The following MANBA variants were observed in gnomAD, a reference collection of about 807,000 sequenced individuals.
MANBA encodes the protein mannosidase beta, also known as beta-mannosidase.
A neutral mutation model predicts 111.1 loss-of-function variants in MANBA; 83 were observed. The ratio of observed to expected loss-of-function variants is 0.75; its 90% CI spans 0.63 to 0.90. The LOEUF (loss-of-function observed/expected upper bound fraction) is 0.90, where lower values mean the gene tolerates loss of function less well. MANBA is among the 40% of genes least tolerant of loss of function. The probability of loss-of-function intolerance (pLI) is 0.00; values close to 1 mark genes in which losing one functional copy is unlikely to be tolerated. For synonymous variants in MANBA, 370 were observed against 378.7 expected, an observed-to-expected ratio of 0.98 and a Z score of 0.27; for missense variants, 1,036 against 1,069.0, an observed-to-expected ratio of 0.97 and a Z score of 0.43.
chr4:102,707,365 T>C (rs543909488), intron 5 of MANBA, among the ~76,000 whole-genome samples: 3 of 152,262 alleles, frequency 2.0e-5, no homozygotes, highest in African/African-American at 7.2e-5. Context: ...ACAAATCATC[T>C]TTCTAAGACA....
At chr4:102,642,468 G>A (rs1312618619) in intron 13 of MANBA, among the ~76,000 whole-genome samples, 5 of 152,058 alleles carry the variant, frequency 3.3e-5, no homozygotes, top group East Asian at 1.9e-4. Flanking sequence ...TTAACCGGAC[G>A]TGGTGGCACA....
At chr4:102,741,826 C>T (rs369656602) in intron 1 of MANBA, among the ~76,000 whole-genome samples, 4 of 152,146 alleles carry the variant, frequency 2.6e-5, no homozygotes, top group African/African-American at 9.7e-5. Context: ...GCACTGTATA[C>T]TGCTTGGGTG....
At chr4:102,691,500 C>G (rs1184711722) in intron 5 of MANBA, among the ~76,000 whole-genome samples, 1 of 150,698 alleles carries the variant, frequency 6.6e-6, no homozygotes, top group Admixed American at 6.6e-5. Context: ...AAGGCTTTCT[C>G]TCTTTTCTTT....
intron 5 of MANBA, among the ~76,000 whole-genome samples, chr4:102,696,805 G>T (rs1055894503): frequency 6.6e-6 from 1 of 152,142 alleles, no homozygotes; most frequent in African/African-American, 2.4e-5. Flanking sequence ...GGGAAAGGTA[G>T]TTATGTGCAT....
intron 13 of MANBA, among the ~76,000 whole-genome samples, chr4:102,645,791 G>A (rs1730077415): frequency 6.6e-6 from 1 of 151,994 alleles, no homozygotes; most frequent in Admixed American, 6.6e-5. Context: ...CTAACTAAAG[G>A]TTTGTCAATT....
chr4:102,743,400 C>T (rs1278978804), intron 1 of MANBA, among the ~76,000 whole-genome samples: 1 of 152,230 alleles, frequency 6.6e-6, no homozygotes, highest in African/African-American at 2.4e-5. Flanking sequence ...CACTGCTATC[C>T]TTCAGGGATG....
At chr4:102,699,512 AT>A (rs1160192323) in intron 5 of MANBA, among the ~76,000 whole-genome samples, 1 of 150,268 alleles carries the variant, frequency 6.7e-6, no homozygotes, top group Non-Finnish European at 1.5e-5. Context: ...GATAGCTCTT[AT>A]TATTTTGAGA....
At chr4:102,655,479 T>C (rs923109031) in intron 12 of MANBA, among the ~76,000 whole-genome samples, 1 of 152,176 alleles carries the variant, frequency 6.6e-6, no homozygotes, top group Non-Finnish European at 1.5e-5. Context: ...TGGAACAGAA[T>C]TGAGAATTCA....
intron 12 of MANBA, among the ~76,000 whole-genome samples, chr4:102,651,072 C>T (rs775319732): frequency 6.6e-6 from 1 of 151,518 alleles, no homozygotes; most frequent in African/African-American, 2.4e-5. Context: ...ATCTAGTATT[C>T]GTTTGTCAAA....
chr4:102,659,971 C>G (rs981440112), intron 11 of MANBA, among the ~76,000 whole-genome samples: 2 of 152,118 alleles, frequency 1.3e-5, no homozygotes, highest in Admixed American at 1.3e-4. Flanking sequence ...TTGTTCTACA[C>G]CCTGTCCCAT....
At chr4:102,743,916 G>T (rs1002175673) in intron 1 of MANBA, among the ~76,000 whole-genome samples, 1 of 152,186 alleles carries the variant, frequency 6.6e-6, no homozygotes, top group Non-Finnish European at 1.5e-5. Context: ...ATTCAGCTAT[G>T]AGGGCCTCCC....
chr4:102,712,412 C>A (rs1722114113), intron 5 of MANBA, among the ~76,000 whole-genome samples: 1 of 151,822 alleles, frequency 6.6e-6, no homozygotes, highest in East Asian at 1.9e-4. Flanking sequence ...CAGTATTATT[C>A]AAATTTTTTT....
chr4:102,635,944 G>GTT lies in MANBA; in HGVS notation c.2077_2078insAA (p.Pro693GlnfsTer3). On this transcript the variant is annotated frameshift_variant, in exon 15 of 17. Transcript: ENST00000647097. LOFTEE classifies it high-confidence loss of function. ...CGTGTTTTCATTCTCAAAGCCTACTGGCAACAGTGGAGCAAAGAAATTCTG... is the reference window on the plus strand; with the variant it reads ...CGTGTTTTCATTCTCAAAGCCTACTGTTGCAACAGTGGAGCAAAGAAATTCTG... The GTT allele has an allele frequency of 6.2e-7, 1 of 1,612,230 alleles. No homozygotes were observed. The highest frequency in any genetic ancestry group is 8.5e-7 in the Non-Finnish European group (1 of 1,178,280).
At chr4:102,738,694 T>G (rs537766682) in intron 1 of MANBA, among the ~76,000 whole-genome samples, 2 of 152,194 alleles carry the variant, frequency 1.3e-5, no homozygotes, top group Non-Finnish European at 2.9e-5. Context: ...CAAAACAAGG[T>G]TCTATAACAC....
chr4:102,722,487 C>A (rs1314204983), intron 4 of MANBA: 1 of 254,726 alleles, frequency 3.9e-6, no homozygotes, highest in Non-Finnish European at 7.8e-6. Context: ...AAGAACATAT[C>A]ATCAAATATA....
chr4:102,700,324 A>G (rs1299829137), intron 5 of MANBA, among the ~76,000 whole-genome samples: 48 of 151,456 alleles, frequency 3.2e-4, no homozygotes, highest in African/African-American at 1.1e-3. Context: ...TGGATTCATT[A>G]ATTTTTTGAA....
At chr4:102,635,800 C>T in intron 15 of MANBA, 65 bp downstream of exon 15, 2 of 1,498,188 alleles carry the variant, frequency 1.3e-6, no homozygotes, top group Non-Finnish European at 1.9e-6. Flanking sequence ...AAGAATGTAA[C>T]CAAACAACTA....
In MANBA at chr4:102,631,002, G is replaced by A. The variant is rs891169546; in HGVS notation, c.*1055C>T. The A allele has an allele frequency of 1.2e-4, 18 of 152,094 alleles. No individual in the cohort carries two copies. The highest frequency in any genetic ancestry group is 1.1e-3 in the Admixed American group (17 of 15,252). 9.4% of individuals were successfully genotyped at this position (152,094 alleles called of 1,614,324 possible). On this transcript the variant is annotated 3_prime_UTR_variant, in exon 17 of 17. Coordinates refer to ENST00000647097, the MANE Select transcript of MANBA (RefSeq NM_005908.4). ...CCTCCCTGCCTCGCAGCAATGCTTT[G>A]CTAAAACAGGATTTACAATAGTCAT...
chr4:102,707,323 T>G (rs1261007083), intron 5 of MANBA, among the ~76,000 whole-genome samples: 1 of 152,182 alleles, frequency 6.6e-6, no homozygotes, highest in Non-Finnish European at 1.5e-5. Flanking sequence ...AAGGATGCCA[T>G]ACCCAGCAAA....
Sources: gnomAD v4.1 joint callset for allele counts (sites outside exome capture counted in the v4.1 genomes callset) on GRCh38, gnomAD v4.1.1 for gene constraint, MANE v1.5 for transcripts, NCBI Gene and HGNC (gene_info 2026-07-23, HGNC 2026-07-21) for gene names.